The following AHNAK2 variants were observed in gnomAD, a reference collection of about 807,000 sequenced individuals.
The protein encoded by AHNAK2 is protein AHNAK2.
AHNAK2 carries 18 observed loss-of-function variants against 30.7 expected under a neutral mutation model. The ratio of observed to expected loss-of-function variants is 0.59; its 90% CI spans 0.41 to 0.87. The LOEUF (loss-of-function observed/expected upper bound fraction) is 0.87. Among genes scored for constraint, AHNAK2 ranks in the 40% least tolerant of loss-of-function variants. The pLI is 0.00. For synonymous variants in AHNAK2, 3,590 were observed against 3,073.8 expected (o/e 1.17, Z -5.56); for missense variants, 8,604 against 7,373.0 (o/e 1.17, Z -6.11).
At position 104,940,036 on chromosome 14, in the gene AHNAK2, C is replaced by G. The variant is rs368740292; in HGVS notation, c.15415G>C (p.Gly5139Arg). The G allele has an allele frequency of 6.2e-7, 1 of 1,611,076 alleles. No individual in the cohort carries two copies. Among genetic ancestry groups the G allele is most frequent in the African/African-American group, 1.3e-5 (1 of 74,856 alleles). Residue 5139 changes from glycine (G) to arginine (R), a missense_variant, in exon 7 of 7, where the codon GGG becomes CGG. Transcript: ENST00000333244. This position sits in a 1 kb window ranked among gnomAD's most constrained non-coding sequence, Gnocchi z 4.4. ...TEGDSRGCGL[G>R]DVPVSQPCGE... Reference sequence around the variant, plus strand: ...CAAGGCTGGCTCACTGGGACATCCCCGAGCCCACATCCTCTGCTGTCACCT... The same window carrying G: ...CAAGGCTGGCTCACTGGGACATCCCGGAGCCCACATCCTCTGCTGTCACCT...
rs1898062010 is a variant in AHNAK2, at chr14:104,942,922, T to C, written c.12529A>G (p.Lys4177Glu). ...GACTGAATGCTGAGGTCAGTGGTCT[T>C]GAGGTCCCCCTGCATGGAGGGGAGG... ...VSLPSMQGDL[K>E]TTDLSIQSPS... is the part of the protein sequence containing the mutation. Residue 4177 changes from lysine to glutamate, a missense_variant, in exon 7 of 7, where the codon AAG (lysine) becomes GAG (glutamate). Physicochemically the swap from Lys to Glu is moderately conservative, Grantham distance 56. Coordinates refer to ENST00000333244, the MANE Select transcript of AHNAK2 (RefSeq NM_138420.4). The C allele has an allele frequency of 6.2e-7, 1 of 1,613,060 alleles. No individual in the cohort carries two copies. Among genetic ancestry groups the C allele is most frequent in the Admixed American group, 1.7e-5 (1 of 59,932 alleles).
In AHNAK2 at chr14:104,954,814, G is replaced by C; in HGVS notation, c.652-15C>G. 6.5e-7 allele frequency: 1 copy of C among 1,548,610 alleles called. No homozygotes were observed. Among genetic ancestry groups the C allele is most frequent in the African/African-American group, 1.4e-5 (1 of 72,866 alleles). ...ACATCCGTGTCCTGAAACATAGGGA[G>C]AGGGAATCTGTTGGTGCCAGTCCAA... On this transcript the variant is annotated splice_polypyrimidine_tract_variant and intron_variant, in intron 6 of 6. Transcript: ENST00000333244. This position sits in a 1 kb window ranked among gnomAD's most constrained non-coding sequence, Gnocchi z 4.3.
chr14:104,956,070 G>A (rs1898966006), intron 4 of AHNAK2, among the ~76,000 whole-genome samples: 1 of 152,212 alleles, frequency 6.6e-6, no homozygotes, highest in Non-Finnish European at 1.5e-5. Flanking sequence ...CGGGACATTG[G>A]GTGCAGCCTG....
Position 104,938,444 on chromosome 14 carries a change from G to A in AHNAK2, c.17007C>T (p.Val5669=), listed in dbSNP as rs775254714. The A allele has an allele frequency of 3.1e-5, 50 of 1,613,896 alleles. No individual in the cohort carries two copies. The highest frequency in any genetic ancestry group is 4.1e-5 in the Non-Finnish European group (48 of 1,179,862). ...GTGTTTGAATGGGAGCAGATCTCTG[G>A]ACGTCATTTTTGGAATCAACACCTG... ...DETGVDSKND[V]QRSAPIQTQP... Residue 5669 remains valine, a synonymous_variant, in exon 7 of 7, where the codon GTC becomes GTT. Transcript: ENST00000333244.
Position 104,941,506 on chromosome 14 carries a change from A to G in AHNAK2, c.13945T>C (p.Ser4649Pro), listed in dbSNP as rs1479708738. Residue 4649 changes from serine (S) to proline (P), a missense_variant, in exon 7 of 7, where the codon TCC becomes CCC. By Grantham distance (74) the Ser-to-Pro change is moderately conservative (BLOSUM62 -1). Coordinates refer to ENST00000333244, the MANE Select transcript of AHNAK2 (RefSeq NM_138420.4). ...EWSSKKVSMSSSEIEGNVTFH... is the reference protein window; with the variant it reads ...EWSSKKVSMSPSEIEGNVTFH... ...GTAACATTTCCTTCGATTTCAGAGG[A>G]AGACATGGAAACTTTCTTTGACGAC... 1 of 1,612,966 alleles carries G rather than the reference A, an allele frequency of 6.2e-7. No individual in the cohort carries two copies. Among genetic ancestry groups the G allele is most frequent in the Non-Finnish European group, 8.5e-7 (1 of 1,179,820 alleles).
intron 1 of AHNAK2, among the ~76,000 whole-genome samples, chr14:104,972,473 C>T (rs1204850376): frequency 6.6e-6 from 1 of 152,210 alleles, no homozygotes; most frequent in Non-Finnish European, 1.5e-5. Context: ...CAGAGCGGGG[C>T]CGTCATGCCA....
chr14:104,974,192 C>T (rs779774069), intron 1 of AHNAK2, among the ~76,000 whole-genome samples: 1 of 152,250 alleles, frequency 6.6e-6, no homozygotes, highest in Non-Finnish European at 1.5e-5. Context: ...CTGGGGATCC[C>T]GTCACCCTTA....
intron 3 of AHNAK2, 71 bp downstream of exon 3, chr14:104,957,339 C>T (rs1899004621): frequency 1.4e-5 from 20 of 1,392,844 alleles, no homozygotes; most frequent in Middle Eastern, 2.4e-4. Flanking sequence ...AACAGACATG[C>T]GTGAGTTGCC....
rs1277722906 is a variant in AHNAK2 at position 104,949,819 on chromosome 14, C to T, written c.5632G>A (p.Ala1878Thr). 7 of 1,587,234 alleles carry T rather than the reference C, an allele frequency of 4.4e-6. 1 individual carries two copies. The Admixed American group carries it at 1.2e-4, about 28-fold the overall frequency. The change falls in exon 7 of 7, where the codon GCA becomes ACA. Residue 1878 changes from alanine (A) to threonine (T), a missense_variant. Ala to Thr is a moderately conservative substitution (Grantham distance 58). Transcript: ENST00000333244. ...TGGCCAGCCTGGACCACCAGGTCTGCAGAAGGGAGCGGAATGCAGAGGTCC... is the reference window on the plus strand; with the variant it reads ...TGGCCAGCCTGGACCACCAGGTCTGTAGAAGGGAGCGGAATGCAGAGGTCC... ...TTDLCIPLPSADLVVQAGQVD... is the reference protein window; with the variant it reads ...TTDLCIPLPSTDLVVQAGQVD...
In AHNAK2 at chr14:104,952,586, G is replaced by A. The variant is rs758057560; in HGVS notation, c.2865C>T (p.Pro955=). The A allele has an allele frequency of 1.1e-4, 180 of 1,612,270 alleles. 1 individual carries two copies. Among genetic ancestry groups the A allele is most frequent in the Non-Finnish European group, 1.3e-4 (156 of 1,179,514 alleles). Reference sequence around the variant, plus strand: ...TGCTGGGCAGAGACACCTCGCCATCGGGGGCTGTCACTTCCGCCTTGGGGC... The same window carrying A: ...TGCTGGGCAGAGACACCTCGCCATCAGGGGCTGTCACTTCCGCCTTGGGGC... The part of the protein sequence containing the change: ...LKGPKAEVTA[P]DGEVSLPSME... Residue 955 remains proline, a synonymous_variant, in exon 7 of 7, where the codon CCC becomes CCT. Transcript: ENST00000333244.
intron 1 of AHNAK2, among the ~76,000 whole-genome samples, chr14:104,958,695 G>A (rs940982718): frequency 2.0e-5 from 3 of 152,118 alleles, no homozygotes; most frequent in Non-Finnish European, 4.4e-5. Flanking sequence ...AACGGGGTCA[G>A]GGGGAAGATT....
At position 104,953,286 on chromosome 14, in the gene AHNAK2, T is replaced by G. The variant is rs766044330; in HGVS notation, c.2165A>C (p.Asp722Ala). Residue 722 changes from aspartate to alanine, a missense_variant, in exon 7 of 7, where the codon GAC (aspartate) becomes GCC (alanine). Transcript: ENST00000333244. ...LSMQGDLKTT[D>A]LSVQTPSADL... is the part of the protein sequence containing the mutation. ...AGCGGAAGGGGTCTGGACGCTGAGG[T>G]CAGTGGTCTTGAGGTCCCCCTGCAT... 55 of 1,612,786 alleles carry G rather than the reference T, an allele frequency of 3.4e-5. No individual in the cohort carries two copies. Among genetic ancestry groups the G allele is most frequent in the Non-Finnish European group, 4.5e-5 (53 of 1,179,632 alleles).
rs993624777 is a variant in AHNAK2 at position 104,938,034 on chromosome 14, A to T, written c.*29T>A. ...TTTACTTTCCAACTTAGTTTTTTGC[A>T]TCTCTCTTGTACTGATGAGCCATAC... On this transcript the variant is annotated 3_prime_UTR_variant, in exon 7 of 7. Coordinates refer to ENST00000333244, the MANE Select transcript of AHNAK2 (RefSeq NM_138420.4). The T allele has an allele frequency of 2.5e-6, 4 of 1,581,930 alleles. No individual in the cohort carries two copies. The highest frequency in any genetic ancestry group is 1.8e-5 in the Admixed American group (1 of 54,736).
At position 104,949,952 on chromosome 14, in the gene AHNAK2, G is replaced by T. The variant is rs201235573; in HGVS notation, c.5499C>A (p.Phe1833Leu). The change falls in exon 7 of 7, where the codon TTC becomes TTA. Residue 1833 changes from phenylalanine to leucine, a missense_variant. Coordinates refer to ENST00000333244, the MANE Select transcript of AHNAK2 (RefSeq NM_138420.4). ...TGGACTTGCCTGGGGCAGACACCCC[G>T]AACGACGGCATCTTGAACTTGGGCA... is the stretch of plus-strand genomic sequence containing the variant. Reference protein sequence around the residue: ...FKMPKFKMPSFGVSAPGKSIE... With the variant: ...FKMPKFKMPSLGVSAPGKSIE... 1.5e-4 allele frequency: 231 copies of T among 1,583,506 alleles called. 17 individuals carry two copies. The highest frequency in any genetic ancestry group is 3.3e-4 in the Middle Eastern group (2 of 6,034).
In AHNAK2 at chr14:104,941,641, T is replaced by C; in HGVS notation, c.13810A>G (p.Met4604Val). The change falls in exon 7 of 7, where the codon ATG becomes GTG. Residue 4604 changes from methionine to valine, a missense_variant. Met to Val is a conservative substitution (Grantham distance 21). Transcript: ENST00000333244. The stretch of plus-strand genomic sequence containing the variant: ...CCCTCAAGCCGCGCACCATCCAGCA[T>C]GGATCCTGGGGCCTGGACATCCGTC... Reference protein sequence around the residue: ...VETDVQAPGSMLDGARLEGDL... With the variant: ...VETDVQAPGSVLDGARLEGDL... The C allele has an allele frequency of 1.2e-6, 2 of 1,613,512 alleles. No homozygotes were observed. Among genetic ancestry groups the C allele is most frequent in the Non-Finnish European group, 1.7e-6 (2 of 1,179,844 alleles).
rs752408300 is a variant in AHNAK2, at chr14:104,940,048, C to T, written c.15403G>A (p.Gly5135Arg). The change falls in exon 7 of 7, where the codon GGA (glycine) becomes AGA (arginine). Residue 5135 changes from glycine to arginine, a missense_variant. Transcript: ENST00000333244. This position sits in a 1 kb window ranked among gnomAD's most constrained non-coding sequence, Gnocchi z 4.4. ...HDLSTEGDSR[G>R]CGLGDVPVSQ... is the part of the protein sequence containing the mutation. ...ACTGGGACATCCCCGAGCCCACATC[C>T]TCTGCTGTCACCTTCGGTAGACAGA... is the stretch of plus-strand genomic sequence containing the variant. 2.5e-6 allele frequency: 4 copies of T among 1,610,110 alleles called. No homozygotes were observed. The highest frequency in any genetic ancestry group is 1.1e-5 in the South Asian group (1 of 90,798).
At position 104,949,382 on chromosome 14, in the gene AHNAK2, A is replaced by G. The variant is rs184405851; in HGVS notation, c.6069T>C (p.Ser2023=). Residue 2023 remains serine, a synonymous_variant, in exon 7 of 7, where the codon AGT becomes AGC. Transcript: ENST00000333244. ...VPAPKVEADV[S]LPSMQGDLKT... The stretch of plus-strand genomic sequence containing the variant: ...TCAGGTCCCCCTGCATGGAGGGGAG[A>G]CTCACGTCGGCCTCCACCTTGGGTG... 2,273 of 1,567,048 alleles carry G rather than the reference A, an allele frequency of 1.5e-3. 135 individuals carry two copies. The African/African-American group carries it at 0.019, about 13-fold the overall frequency.
Position 104,957,406 on chromosome 14 carries a change from T to C in AHNAK2, c.213+4A>G. 1 of 1,580,450 alleles carries C rather than the reference T, an allele frequency of 6.3e-7. No homozygotes were observed. Among genetic ancestry groups the C allele is most frequent in the Non-Finnish European group, 8.6e-7 (1 of 1,157,242 alleles). On this transcript the variant is annotated splice_donor_region_variant and intron_variant, in intron 3 of 6. Transcript: ENST00000333244. ...GCCTGTGGGGCTCTGCCCAGCAGGC[T>C]CACCTGGAGTCCAAAGTCGGCAGCC...
chr14:104,939,775 C>A lies in AHNAK2; in HGVS notation c.15676G>T (p.Gly5226Cys). 6.2e-7 allele frequency: 1 copy of A among 1,613,820 alleles called. No individual in the cohort carries two copies. Among genetic ancestry groups the A allele is most frequent in the Non-Finnish European group, 8.5e-7 (1 of 1,179,904 alleles). ...TCTTTGACTTTAGCTGCTGCTTCAC[C>A]CCCTGTTGCTGCCGGTGCCTGTGTC... ...AQTQAPAATG[G>C]EAAAKVKEFL... Residue 5226 changes from glycine (G) to cysteine (C), a missense_variant, in exon 7 of 7, where the codon GGT becomes TGT. Gly to Cys is a radical substitution (Grantham distance 159). Transcript: ENST00000333244.
Sources: gnomAD v4.1 joint callset for allele counts (sites outside exome capture counted in the v4.1 genomes callset) on GRCh38, gnomAD v4.1.1 for gene constraint, Gnocchi (gnomAD v3.1) non-coding constraint, MANE v1.5 for transcripts, NCBI Gene and HGNC (gene_info 2026-07-23, HGNC 2026-07-21) for gene names.